The following ZMAT4 variants were observed in gnomAD, a reference collection of about 807,000 sequenced individuals.
ZMAT4 encodes zinc finger matrin-type protein 4.
A neutral mutation model predicts 28.7 loss-of-function variants in ZMAT4; 17 were observed. The ratio of observed to expected loss-of-function variants is 0.59; its 90% CI spans 0.41 to 0.89. The LOEUF is 0.89. Among genes scored for constraint, ZMAT4 ranks in the 40% least tolerant of loss-of-function variants. The probability of loss-of-function intolerance (pLI) is 0.00; values close to 1 mark genes in which losing one functional copy is unlikely to be tolerated. For missense variants in ZMAT4, 240 were observed against 283.8 expected (o/e 0.85, Z 1.11); for synonymous variants, 117 against 109.2 (o/e 1.07, Z -0.44).
chr8:40,592,533 A>G (rs1219525840), intron 5 of ZMAT4, among the ~76,000 whole-genome samples: 1 of 152,242 alleles, frequency 6.6e-6, no homozygotes, highest in Non-Finnish European at 1.5e-5. Context: ...AATAGTATAT[A>G]TGCAAAGCTT....
rs534418892 is a variant in ZMAT4, at chr8:40,777,320, G to A, written c.103-9590C>T. ...ACCTGGCTGCAGATGGGCGGGGAGA[G>A]GGGACATTTTGTCTGCAGAAGGCCT... On this transcript the variant is annotated intron_variant, in intron 2 of 6. Coordinates refer to ENST00000297737, the MANE Select transcript of ZMAT4 (RefSeq NM_024645.3). 3.0e-4 allele frequency among the ~76,000 whole-genome samples: 46 copies of A among 152,320 alleles called. No homozygotes were observed. In the South Asian group the frequency reaches 9.5e-3, roughly 32 times the overall value.
chr8:40,563,230 A>AT (rs1329893631), intron 6 of ZMAT4, among the ~76,000 whole-genome samples: 1 of 152,174 alleles, frequency 6.6e-6, no homozygotes, highest in African/African-American at 2.4e-5. Flanking sequence ...GCTTTCTCTC[A>AT]TTACTCATGT....
intron 3 of ZMAT4, among the ~76,000 whole-genome samples, chr8:40,703,794 A>G (rs1810243747): frequency 6.6e-6 from 1 of 152,226 alleles, no homozygotes; most frequent in South Asian, 2.1e-4. Flanking sequence ...AGATTCATTT[A>G]AATGATTTCA....
chr8:40,861,562 A>C (rs1478695123), intron 1 of ZMAT4, among the ~76,000 whole-genome samples: 3 of 152,252 alleles, frequency 2.0e-5, no homozygotes, highest in Admixed American at 1.3e-4. Context: ...ACAAAAGCCA[A>C]AATTGACAAA....
intron 5 of ZMAT4, among the ~76,000 whole-genome samples, chr8:40,610,610 C>T (rs971497132): frequency 6.6e-6 from 1 of 152,030 alleles, no homozygotes; most frequent in African/African-American, 2.4e-5. Context: ...GGAACAATTT[C>T]TTTCATAAAT....
At chr8:40,795,266 G>T (rs572542633) in intron 2 of ZMAT4, among the ~76,000 whole-genome samples, 41 of 152,194 alleles carry the variant, frequency 2.7e-4, no homozygotes, top group African/African-American at 9.6e-4. Flanking sequence ...CCAATGGTTT[G>T]CACACTCACG....
In ZMAT4 at chr8:40,866,702, T is replaced by C. The variant is rs553048698; in HGVS notation, c.-5+30981A>G. ...GCAACCAAATGCAAGAGGGAGTTTT[T>C]GCTTCTCTCTGGTGTGTAAATAGCT... On this transcript the variant is annotated intron_variant, in intron 1 of 6. Transcript: ENST00000297737. Among the ~76,000 whole-genome samples, 333 of 152,290 alleles carry C rather than the reference T, an allele frequency of 2.2e-3. 3 individuals carry two copies. The highest frequency in any genetic ancestry group is 7.6e-3 in the African/African-American group (316 of 41,560).
intron 2 of ZMAT4, among the ~76,000 whole-genome samples, chr8:40,820,659 T>C (rs1055086798): frequency 2.4e-5 from 2 of 82,948 alleles, no homozygotes; most frequent in Admixed American, 1.2e-4. Context: ...ATGTGTGTGT[T>C]TACGTGTATG....
chr8:40,767,794 A>G (rs755548188), intron 2 of ZMAT4, 64 bp from the exon 3 acceptor site: 55 of 1,357,854 alleles, frequency 4.1e-5, no homozygotes, highest in Non-Finnish European at 5.2e-5. Flanking sequence ...TTTGAAACCT[A>G]GCCAGTGCCC....
At chr8:40,821,915 C>T (rs960550234) in intron 2 of ZMAT4, among the ~76,000 whole-genome samples, 3 of 152,172 alleles carry the variant, frequency 2.0e-5, no homozygotes, top group South Asian at 2.1e-4. Flanking sequence ...TCATTCCACT[C>T]GCCCCTAAAC....
chr8:40,743,539 A>G (rs1812098850), intron 3 of ZMAT4, among the ~76,000 whole-genome samples: 1 of 152,186 alleles, frequency 6.6e-6, no homozygotes, highest in South Asian at 2.1e-4. Context: ...TATTCATCCT[A>G]CACTCACTGA....
At chr8:40,560,683 T>C (rs1452924861) in intron 6 of ZMAT4, among the ~76,000 whole-genome samples, 4 of 152,122 alleles carry the variant, frequency 2.6e-5, no homozygotes, top group Admixed American at 2.6e-4. Context: ...CAGCCACTTA[T>C]GCAAAAACAC....
intron 2 of ZMAT4, chr8:40,808,582 A>G (rs1471178786): frequency 2.2e-6 from 1 of 456,014 alleles, no homozygotes; most frequent in African/African-American, 2.0e-5. Context: ...CTGCAAAAAA[A>G]AAAAAAGTGC....
chr8:40,759,503 C>T (rs1161013439), intron 3 of ZMAT4, among the ~76,000 whole-genome samples: 2 of 152,090 alleles, frequency 1.3e-5, no homozygotes, highest in African/African-American at 4.8e-5. Flanking sequence ...TCCCATATGC[C>T]ACCTGAACTG....
chr8:40,621,840 T>C (rs1806210817), intron 5 of ZMAT4, among the ~76,000 whole-genome samples: 1 of 152,228 alleles, frequency 6.6e-6, no homozygotes, highest in African/African-American at 2.4e-5. Context: ...ATACCATCTA[T>C]GAATTGTTCA....
At chr8:40,624,662 C>T (rs1806308011) in intron 5 of ZMAT4, among the ~76,000 whole-genome samples, 1 of 152,154 alleles carries the variant, frequency 6.6e-6, no homozygotes, top group Non-Finnish European at 1.5e-5. Context: ...TAAATTCTTC[C>T]CAGATCTCAG....
chr8:40,608,845 A>G (rs1027787371), intron 5 of ZMAT4, among the ~76,000 whole-genome samples: 14 of 152,166 alleles, frequency 9.2e-5, no homozygotes, highest in African/African-American at 3.4e-4. Flanking sequence ...CATGATCTGG[A>G]CCATCAGTTT....
At chr8:40,844,463 T>C (rs1002035795) in intron 1 of ZMAT4, among the ~76,000 whole-genome samples, 3 of 152,168 alleles carry the variant, frequency 2.0e-5, no homozygotes, top group African/African-American at 7.2e-5. Context: ...GTGCTCCAGA[T>C]TGTCAGTCCT....
chr8:40,819,558 G>A (rs922435131), intron 2 of ZMAT4, among the ~76,000 whole-genome samples: 3 of 152,102 alleles, frequency 2.0e-5, no homozygotes, highest in African/African-American at 7.2e-5. Flanking sequence ...GGGAGGTATG[G>A]CAAGAATGCA....
Sources: allele counts gnomAD v4.1 joint callset (sites outside exome capture counted in the v4.1 genomes callset), GRCh38; gene constraint gnomAD v4.1.1; transcripts MANE v1.5; gene names NCBI Gene and HGNC (gene_info 2026-07-23, HGNC 2026-07-21).